The following WLS variants were observed in gnomAD, a reference collection of about 807,000 sequenced individuals.
WLS encodes the protein Wnt ligand secretion mediator, also known as protein wntless homolog.
WLS carries 23 observed loss-of-function variants against 62.8 expected under a neutral mutation model. The ratio of observed to expected loss-of-function variants is 0.37; its 90% confidence interval spans 0.26 to 0.52. The LOEUF is 0.52. Ranked by LOEUF, WLS falls within the 20% of genes least tolerant of loss-of-function variation. The pLI, the probability that WLS is intolerant of heterozygous loss-of-function variation, is 0.92. For missense variants in WLS, 615 were observed against 697.3 expected (o/e 0.88, Z 1.33); for synonymous variants, 246 against 244.1 (o/e 1.01, Z -0.07).
At chr1:68,101,356 T>G (rs190830499) in intron 11 of WLS, among the ~76,000 whole-genome samples, 225 of 152,230 alleles carry the variant, frequency 1.5e-3, no homozygotes, top group African/African-American at 5.1e-3. Context: ...AGAAGAGAAA[T>G]AGTTTTCCTT....
chr1:68,174,159 G>A (rs1056686190), intron 2 of WLS, among the ~76,000 whole-genome samples: 2 of 152,122 alleles, frequency 1.3e-5, no homozygotes, highest in Non-Finnish European at 2.9e-5. Context: ...CAGCTCTCCC[G>A]CAGCTCCATG....
chr1:68,157,458 G>A (rs1305801136), intron 3 of WLS, among the ~76,000 whole-genome samples: 1 of 152,098 alleles, frequency 6.6e-6, no homozygotes, highest in Non-Finnish European at 1.5e-5. Flanking sequence ...TCCTGCCTCT[G>A]CCAGTATTTA....
intron 1 of WLS, among the ~76,000 whole-genome samples, chr1:68,206,341 T>C (rs1033736372): frequency 6.6e-6 from 1 of 152,180 alleles, no homozygotes; most frequent in African/African-American, 2.4e-5. Flanking sequence ...GTGGTTCCAA[T>C]CTTGCAAGTT....
At chr1:68,126,469 A>G in intron 11 of WLS, 134 bp from the exon 12 acceptor site, 1 of 1,181,868 alleles carries the variant, frequency 8.5e-7, no homozygotes, top group Non-Finnish European at 1.2e-6. Context: ...AGGGCACACA[A>G]CATTCAGAAC....
At chr1:68,156,794 T>C (rs1646906196) in intron 3 of WLS, among the ~76,000 whole-genome samples, 1 of 152,118 alleles carries the variant, frequency 6.6e-6, no homozygotes, top group Non-Finnish European at 1.5e-5. Flanking sequence ...TTCTCTCTTA[T>C]ACTTTCAAAT....
rs755466903 is a variant in WLS at position 68,159,267 on chromosome 1, C to T, written c.380-20G>A. ...TTTCTCCTGCAAGAGAAAGGATGCA[C>T]GTTTCAGAAATGACTTTTGGAAAGA... On this transcript the variant is annotated intron_variant, in intron 2 of 11. Coordinates refer to ENST00000262348, the MANE Select transcript of WLS (RefSeq NM_024911.7). The T allele has an allele frequency of 1.4e-5, 22 of 1,607,234 alleles. No homozygotes were observed. Among genetic ancestry groups the T allele is most frequent in the Admixed American group, 1.0e-4 (6 of 58,222 alleles).
At chr1:68,120,696 G>C (rs1570823591), downstream of WLS, among the ~76,000 whole-genome samples, 2 of 130,484 alleles carry the variant, frequency 1.5e-5, no homozygotes, top group South Asian at 2.6e-4. Context: ...GTTAAGTTCT[G>C]TGTGTGTGTG....
intron 1 of WLS, among the ~76,000 whole-genome samples, chr1:68,200,094 C>T (rs1255091653): frequency 6.6e-6 from 1 of 152,136 alleles, no homozygotes; most frequent in Non-Finnish European, 1.5e-5. Context: ...ATCAGAACAG[C>T]ACCATTTTAA....
rs574092314 is a variant in WLS, at chr1:68,211,816, G to A, written c.107-17589C>T. Among the ~76,000 whole-genome samples, 226 of 152,206 alleles carry A rather than the reference G, an allele frequency of 1.5e-3. 9 individuals are homozygous for A. In the South Asian group the frequency reaches 0.045, roughly 30 times the overall value. On this transcript the variant is annotated intron_variant, in intron 1 of 11. Transcript: ENST00000262348. ...CCAGTGCCATGTCTGCAAGAAGCCT[G>A]GTGCTACACCTGACAGCTTTCAAAT...
chr1:68,117,371 G>A (rs1646306022), intron 11 of WLS: 1 of 152,238 alleles, frequency 6.6e-6, no homozygotes, highest in Non-Finnish European at 1.5e-5. Flanking sequence ...ACAGCAATTA[G>A]GGGTAACGTT....
intron 11 of WLS, among the ~76,000 whole-genome samples, chr1:68,116,259 A>G (rs932200995): frequency 2.6e-5 from 4 of 152,216 alleles, no homozygotes; most frequent in Non-Finnish European, 4.4e-5. Context: ...GGACAGGGAC[A>G]ACAATCAGCA....
At chr1:68,101,559 C>T (rs1019458752) in intron 11 of WLS, among the ~76,000 whole-genome samples, 3 of 152,210 alleles carry the variant, frequency 2.0e-5, no homozygotes, top group Non-Finnish European at 4.4e-5. Flanking sequence ...ACCACTCACT[C>T]TAGTGTGTTC....
intron 10 of WLS, chr1:68,138,140 A>G: frequency 3.3e-6 from 2 of 610,520 alleles, no homozygotes; most frequent in South Asian, 2.1e-5. Flanking sequence ...TGTCAGGCAC[A>G]GTCAGTGGTC....
At chr1:68,190,540 C>T (rs1648231907) in intron 2 of WLS, among the ~76,000 whole-genome samples, 2 of 152,224 alleles carry the variant, frequency 1.3e-5, no homozygotes, top group Admixed American at 1.3e-4. Context: ...GGGAAGCCCG[C>T]TGCCATGTTG....
intron 3 of WLS, among the ~76,000 whole-genome samples, chr1:68,156,553 G>T (rs567886329): frequency 1.3e-5 from 2 of 152,224 alleles, no homozygotes; most frequent in South Asian, 4.1e-4. Flanking sequence ...AGGTAGAGGT[G>T]GGGAGGTGCT....
At chr1:68,128,736 A>G (rs1646472281) in intron 11 of WLS, among the ~76,000 whole-genome samples, 1 of 152,238 alleles carries the variant, frequency 6.6e-6, no homozygotes. Flanking sequence ...CACGTGCCTG[A>G]CACAGTTCTA....
chr1:68,168,244 T>C (rs1342719130), intron 2 of WLS, among the ~76,000 whole-genome samples: 2 of 152,078 alleles, frequency 1.3e-5, no homozygotes, highest in African/African-American at 4.8e-5. Flanking sequence ...CACTAGAGCC[T>C]TAATTGAGGA....
rs750003939 is a variant in WLS at position 68,200,342 on chromosome 1, ATATT to A, written c.107-6119_107-6116del. ...CATCTCTCCACCTGTAAAAATGTGA[ATATT>A]TATTTATATTTTATAATTTCATTTT... On this transcript the variant is annotated intron_variant, in intron 1 of 11. Coordinates refer to ENST00000262348, the MANE Select transcript of WLS (RefSeq NM_024911.7). 1.3e-5 allele frequency among the ~76,000 whole-genome samples: 2 copies of A among 152,120 alleles called. 1 individual carries two copies. The highest frequency in any genetic ancestry group is 4.8e-5 in the African/African-American group (2 of 41,438).
At chr1:68,207,704 C>G (rs1012302307) in intron 1 of WLS, among the ~76,000 whole-genome samples, 2 of 152,218 alleles carry the variant, frequency 1.3e-5, no homozygotes, top group African/African-American at 4.8e-5. Context: ...CTGTTACTCA[C>G]TAGCAATTTA....
Sources: gnomAD v4.1 joint callset for allele counts (sites outside exome capture counted in the v4.1 genomes callset) on GRCh38, gnomAD v4.1.1 for gene constraint, MANE v1.5 for transcripts, NCBI Gene and HGNC (gene_info 2026-07-23, HGNC 2026-07-21) for gene names.